The following KHDRBS3 variants were observed in gnomAD, a reference collection of about 807,000 sequenced individuals.
KHDRBS3 encodes the protein KH domain-containing, RNA-binding, signal transduction-associated protein 3.
Under a neutral mutation model 45.6 loss-of-function variants are expected in KHDRBS3, and 23 were observed. The observed-to-expected ratio is 0.50, with a 90% CI of 0.36 to 0.72. The LOEUF (loss-of-function observed/expected upper bound fraction) is 0.72, where lower values mean the gene tolerates loss of function less well. Ranked by LOEUF, KHDRBS3 falls within the 30% of genes least tolerant of loss-of-function variation. The pLI, the probability that KHDRBS3 is intolerant of heterozygous loss-of-function variation, is 0.00. For missense variants in KHDRBS3, 352 were observed against 424.8 expected (o/e 0.83, Z 1.51); for synonymous variants, 162 against 156.5 (o/e 1.04, Z -0.26).
intron 1 of KHDRBS3, among the ~76,000 whole-genome samples, chr8:135,473,541 T>C (rs1822119580): frequency 6.6e-6 from 1 of 152,082 alleles, no homozygotes; most frequent in Non-Finnish European, 1.5e-5. Flanking sequence ...CACTTTTTAT[T>C]ATTAACAAAC....
chr8:135,628,632 G>A (rs1234621236), intron 7 of KHDRBS3, among the ~76,000 whole-genome samples: 5 of 152,166 alleles, frequency 3.3e-5, no homozygotes, highest in African/African-American at 9.7e-5. Flanking sequence ...TCATGTGACT[G>A]TGACCTCATT....
chr8:135,544,548 A>T (rs980016249), intron 3 of KHDRBS3, among the ~76,000 whole-genome samples: 2 of 152,076 alleles, frequency 1.3e-5, no homozygotes, highest in African/African-American at 4.8e-5. Flanking sequence ...CGGTGTTATG[A>T]AGTAATGCAT....
chr8:135,474,774 GGC>G (rs1822186372), intron 1 of KHDRBS3, among the ~76,000 whole-genome samples: 1 of 152,184 alleles, frequency 6.6e-6, no homozygotes, highest in African/African-American at 2.4e-5. Context: ...GGTTTTCTAT[GGC>G]TGCCATAACA....
chr8:135,602,289 G>A (rs4129931), intron 6 of KHDRBS3, among the ~76,000 whole-genome samples: 30,872 of 152,068 alleles, frequency 0.2, 3,692 homozygotes, highest in Middle Eastern at 0.28. Flanking sequence ...TGTTTCAAGC[G>A]TTGTCCACTG....
chr8:135,629,862 T>G (rs1830522198), intron 7 of KHDRBS3, among the ~76,000 whole-genome samples: 1 of 152,220 alleles, frequency 6.6e-6, no homozygotes, highest in East Asian at 1.9e-4. Flanking sequence ...ATTCAGTAAC[T>G]CCTGTCAGGC....
rs951838339 is a variant in KHDRBS3, at chr8:135,590,058, G to A, written c.807+7985G>A. The stretch of plus-strand genomic sequence containing the variant: ...CATCCTGAGAAATGCATCATTAGGC[G>A]ATTTCATCATTGTGTGAACACCATA... On this transcript the variant is annotated intron_variant, in intron 6 of 8. Transcript: ENST00000355849. Among the ~76,000 whole-genome samples the A allele has an allele frequency of 6.6e-5, 10 of 152,290 alleles. No individual in the cohort carries two copies. The South Asian group carries it at 8.3e-4, about 13-fold the overall frequency.
At chr8:135,616,885 C>T (rs1444715238) in intron 7 of KHDRBS3, among the ~76,000 whole-genome samples, 1 of 151,998 alleles carries the variant, frequency 6.6e-6, no homozygotes, top group African/African-American at 2.4e-5. Flanking sequence ...ATTTTTTCTA[C>T]AAATCTTGCA....
intron 7 of KHDRBS3, among the ~76,000 whole-genome samples, chr8:135,610,053 T>G (rs1398201658): frequency 6.6e-6 from 1 of 151,880 alleles, no homozygotes; most frequent in Non-Finnish European, 1.5e-5. Flanking sequence ...TGAAGTATAT[T>G]TACAATACAA....
chr8:135,589,058 C>T (rs2130954150), intron 6 of KHDRBS3, among the ~76,000 whole-genome samples: 1 of 152,292 alleles, frequency 6.6e-6, no homozygotes, highest in East Asian at 1.9e-4. Flanking sequence ...AGCTCATCTA[C>T]ATTGCCGTTG....
chr8:135,538,764 G>C (rs1329947203), intron 2 of KHDRBS3: 11 of 152,184 alleles, frequency 7.2e-5, no homozygotes, highest in Admixed American at 4.6e-4. Flanking sequence ...ATCAGGAGGT[G>C]TTATGGGACT....
chr8:135,570,128 T>G (rs1313744895), intron 5 of KHDRBS3, among the ~76,000 whole-genome samples: 1 of 152,166 alleles, frequency 6.6e-6, no homozygotes, highest in Non-Finnish European at 1.5e-5. Context: ...TGGCAAAACT[T>G]TCTTTTATGC....
chr8:135,601,258 G>A (rs1354404479), intron 6 of KHDRBS3, among the ~76,000 whole-genome samples: 1 of 152,220 alleles, frequency 6.6e-6, no homozygotes, highest in Non-Finnish European at 1.5e-5. Context: ...TGGTGTGATA[G>A]TGTGAAAGAA....
At chr8:135,589,631 G>A (rs1828648999) in intron 6 of KHDRBS3, among the ~76,000 whole-genome samples, 1 of 152,188 alleles carries the variant, frequency 6.6e-6, no homozygotes, top group African/African-American at 2.4e-5. Flanking sequence ...ATAGTTAGCA[G>A]CATCTTCCAT....
chr8:135,464,921 G>C (rs1821623414), intron 1 of KHDRBS3, among the ~76,000 whole-genome samples: 1 of 152,184 alleles, frequency 6.6e-6, no homozygotes, highest in South Asian at 2.1e-4. Context: ...TGGAAGCTTT[G>C]AGTATGTCTT....
At chr8:135,651,995 A>G (rs1282342747), downstream of KHDRBS3, among the ~76,000 whole-genome samples, 1 of 152,254 alleles carries the variant, frequency 6.6e-6, no homozygotes, top group Non-Finnish European at 1.5e-5. Flanking sequence ...TGATTTGAAG[A>G]AAAAATAAAA....
At chr8:135,641,098 C>A (rs1402420921) in intron 7 of KHDRBS3, among the ~76,000 whole-genome samples, 1 of 152,170 alleles carries the variant, frequency 6.6e-6, no homozygotes, top group African/African-American at 2.4e-5. Context: ...CTAAGATTGT[C>A]TCATCACCAA....
In KHDRBS3 at chr8:135,526,117, A is replaced by C. The variant is rs571739537; in HGVS notation, c.207+4762A>C. 1.2e-4 allele frequency among the ~76,000 whole-genome samples: 19 copies of C among 152,250 alleles called. No individual in the cohort carries two copies. The East Asian group carries it at 3.5e-3, about 28-fold the overall frequency. ...AGGCTATACCATATAGCCTAGGTAT[A>C]CAGTAGGATATGCCATCTAGGTTTG... On this transcript the variant is annotated intron_variant, in intron 2 of 8. Transcript: ENST00000355849.
At chr8:135,469,429 A>C (rs1433597122) in intron 1 of KHDRBS3, among the ~76,000 whole-genome samples, 1 of 149,398 alleles carries the variant, frequency 6.7e-6, no homozygotes, top group African/African-American at 2.5e-5. Flanking sequence ...CTGGGACTAC[A>C]GGCGCCCGCC....
intron 1 of KHDRBS3, among the ~76,000 whole-genome samples, chr8:135,503,245 A>AT (rs1469481775): frequency 6.6e-6 from 1 of 152,190 alleles, no homozygotes; most frequent in East Asian, 1.9e-4. Context: ...CCAGAAGTAC[A>AT]TTTTTCTGTA....
Sources: allele counts gnomAD v4.1 joint callset (sites outside exome capture counted in the v4.1 genomes callset), GRCh38; gene constraint gnomAD v4.1.1; transcripts MANE v1.5; gene names NCBI Gene and HGNC (gene_info 2026-07-23, HGNC 2026-07-21).